XPR1: variants seen among roughly 807,000 people sequenced by gnomAD.
XPR1 encodes the protein solute carrier family 53 member 1.
A neutral mutation model predicts 87.5 loss-of-function variants in XPR1; 28 were observed. The observed-to-expected ratio is 0.32, with a 90% confidence interval of 0.24 to 0.44. The LOEUF (loss-of-function observed/expected upper bound fraction) is 0.44. XPR1 is among the 20% of genes least tolerant of loss of function. The probability of loss-of-function intolerance (pLI) is 1.00; values close to 1 mark genes in which losing one functional copy is unlikely to be tolerated. For missense variants in XPR1, 559 were observed against 862.3 expected (o/e 0.65, Z 4.41); for synonymous variants, 300 against 306.1 (o/e 0.98, Z 0.21).
intron 1 of XPR1, among the ~76,000 whole-genome samples, chr1:180,671,866 G>T (rs1656189882): frequency 6.6e-6 from 1 of 152,128 alleles, no homozygotes; most frequent in Admixed American, 6.6e-5. Flanking sequence ...GGGATTACAG[G>T]TGTGAGCCAC....
intron 2 of XPR1, among the ~76,000 whole-genome samples, chr1:180,687,976 C>A (rs1557957766): frequency 6.6e-6 from 1 of 150,662 alleles, no homozygotes; most frequent in East Asian, 1.9e-4. Flanking sequence ...TTTGTGTAAC[C>A]ATTTACATTG....
intron 2 of XPR1, among the ~76,000 whole-genome samples, chr1:180,732,822 T>C (rs926921966): frequency 1.3e-5 from 2 of 152,218 alleles, no homozygotes; most frequent in Non-Finnish European, 2.9e-5. Context: ...AGTTCTTACC[T>C]TGGTGTACAG....
At chr1:180,661,970 ACT>A (rs1655795301) in intron 1 of XPR1, among the ~76,000 whole-genome samples, 1 of 151,642 alleles carries the variant, frequency 6.6e-6, no homozygotes, top group Non-Finnish European at 1.5e-5. Flanking sequence ...ACTAATAAAA[ACT>A]CTACACTTTA....
chr1:180,736,109 G>C (rs1299250345), intron 2 of XPR1, among the ~76,000 whole-genome samples: 1 of 152,182 alleles, frequency 6.6e-6, no homozygotes, highest in Non-Finnish European at 1.5e-5. Flanking sequence ...AGAAGAATAT[G>C]ATGGGAATGT....
At chr1:180,807,824 A>C (rs911295750) in intron 6 of XPR1, among the ~76,000 whole-genome samples, 1 of 152,062 alleles carries the variant, frequency 6.6e-6, no homozygotes, top group African/African-American at 2.4e-5. Flanking sequence ...GGCCAACATG[A>C]TGAAACCCCA....
intron 12 of XPR1, among the ~76,000 whole-genome samples, chr1:180,864,253 C>T (rs1410908707): frequency 6.6e-6 from 1 of 152,168 alleles, no homozygotes; most frequent in Non-Finnish European, 1.5e-5. Flanking sequence ...TTTGTAAACA[C>T]CTGTTCCTCC....
chr1:180,788,007 C>T (rs999627523), intron 3 of XPR1, among the ~76,000 whole-genome samples, 153 bp downstream of exon 3: 6 of 152,142 alleles, frequency 3.9e-5, no homozygotes, highest in African/African-American at 4.8e-5. Context: ...GATAAGAACA[C>T]GTCTGGTTTC....
chr1:180,824,771 CAGAT>C lies in XPR1; in HGVS notation c.786_789del (p.Asp262GlufsTer6). 6.2e-7 allele frequency: 1 copy of C among 1,609,450 alleles called. No individual in the cohort carries two copies. The highest frequency in any genetic ancestry group is 1.1e-5 in the South Asian group (1 of 89,824). Reference sequence around the variant, plus strand: ...CTTTCAGCTGTATTTAAACTTGAAACAGATAGAAGTATATGGCCCTTGATAAGAA... The same window carrying C: ...CTTTCAGCTGTATTTAAACTTGAAACAGAAGTATATGGCCCTTGATAAGAA... On this transcript the variant is annotated frameshift_variant, in exon 8 of 15. Coordinates refer to ENST00000367590, the MANE Select transcript of XPR1 (RefSeq NM_004736.4). LOFTEE classifies it high-confidence loss of function.
At chr1:180,766,899 A>G (rs1648306075) in intron 2 of XPR1, among the ~76,000 whole-genome samples, 2 of 152,282 alleles carry the variant, frequency 1.3e-5, no homozygotes, top group Admixed American at 6.5e-5. Context: ...ACCCTGGCTT[A>G]ATGTAGGTTT....
At chr1:180,838,757 T>C (rs1651398585) in intron 11 of XPR1, among the ~76,000 whole-genome samples, 1 of 152,184 alleles carries the variant, frequency 6.6e-6, no homozygotes, top group African/African-American at 2.4e-5. Context: ...AATTTCCATC[T>C]CTTTGCTGTT....
intron 1 of XPR1, among the ~76,000 whole-genome samples, chr1:180,673,770 T>C (rs1394012747): frequency 6.6e-6 from 1 of 152,228 alleles, no homozygotes; most frequent in Non-Finnish European, 1.5e-5. Flanking sequence ...AATAATTGTC[T>C]TCCGTGAAAC....
intron 2 of XPR1, among the ~76,000 whole-genome samples, chr1:180,742,772 C>T (rs1483542711): frequency 3.9e-5 from 6 of 151,984 alleles, no homozygotes; most frequent in African/African-American, 7.2e-5. Context: ...ATCTCTTTCT[C>T]CTTTCATTTC....
chr1:180,709,034 C>T (rs1317278034), intron 2 of XPR1, among the ~76,000 whole-genome samples: 1 of 151,750 alleles, frequency 6.6e-6, no homozygotes, highest in East Asian at 1.9e-4. Context: ...GCCTCAGCCT[C>T]CTGAGTAGCT....
In XPR1 at chr1:180,888,441, AAAAG is replaced by A. The variant is rs573630107; in HGVS notation, c.*4380_*4383del. ...AAATTGAGATAGCTTCTGAGAGAAAAAAAGAAAGTTGAATTTGTAGCTCTCTCAA... is the reference window on the plus strand; with the variant it reads ...AAATTGAGATAGCTTCTGAGAGAAAAAAAGTTGAATTTGTAGCTCTCTCAA... On this transcript the variant is annotated 3_prime_UTR_variant, in exon 15 of 15. Coordinates refer to ENST00000367590, the MANE Select transcript of XPR1 (RefSeq NM_004736.4). 2.4e-4 allele frequency: 21 copies of A among 86,084 alleles called. No homozygotes were observed. The highest frequency in any genetic ancestry group is 3.7e-4 in the African/African-American group (10 of 26,704). 5.3% of individuals were successfully genotyped at this position (86,084 alleles called of 1,614,324 possible).
intron 1 of XPR1, among the ~76,000 whole-genome samples, chr1:180,671,524 A>AAT (rs907846866): frequency 3.3e-5 from 5 of 151,144 alleles, no homozygotes; most frequent in African/African-American, 7.4e-5. Context: ...GCTGGCACAT[A>AAT]ATATATATAT....
At chr1:180,696,168 GTGTGT>G (rs2101964026) in intron 2 of XPR1, among the ~76,000 whole-genome samples, 2 of 75,344 alleles carry the variant, frequency 2.7e-5, no homozygotes, top group African/African-American at 1.2e-4. Context: ...ATTCCTGGGT[GTGTGT>G]GTGTGTGTGT....
At chr1:180,757,333 T>C (rs1480824143) in intron 2 of XPR1, among the ~76,000 whole-genome samples, 2 of 152,218 alleles carry the variant, frequency 1.3e-5, no homozygotes, top group Non-Finnish European at 2.9e-5. Context: ...ACATAAATCC[T>C]TCTGCCTCTA....
intron 2 of XPR1, among the ~76,000 whole-genome samples, chr1:180,774,335 T>C (rs1156716235): frequency 5.3e-5 from 8 of 151,740 alleles, no homozygotes; most frequent in Non-Finnish European, 1.0e-4. Flanking sequence ...ATAACCCATA[T>C]CTGGATTTTT....
intron 4 of XPR1, 131 bp from the exon 5 acceptor site, chr1:180,805,931 T>C: frequency 1.1e-6 from 1 of 935,002 alleles, no homozygotes; most frequent in Non-Finnish European, 1.5e-6. Context: ...GATGCTTTTA[T>C]GAAAGCTTTG....
Sources: gnomAD v4.1 joint callset for allele counts (sites outside exome capture counted in the v4.1 genomes callset) on GRCh38, gnomAD v4.1.1 for gene constraint, MANE v1.5 for transcripts, NCBI Gene and HGNC (gene_info 2026-07-23, HGNC 2026-07-21) for gene names.